PPFIBP2: variants seen among roughly 807,000 people sequenced by gnomAD.
The protein encoded by PPFIBP2 is liprin-beta-2.
Under a neutral mutation model 118.3 loss-of-function variants are expected in PPFIBP2, and 118 were observed. That is an observed-to-expected ratio of 1.00 (90% CI 0.86 to 1.16). PPFIBP2 has a LOEUF of 1.16. Among genes scored for constraint, PPFIBP2 ranks in the 50% most tolerant of loss-of-function variants. PPFIBP2 has a pLI of 0.00. For synonymous variants in PPFIBP2, 414 were observed against 397.4 expected, an observed-to-expected ratio of 1.04 and a Z score of -0.50; for missense variants, 1,195 against 1,073.1, an observed-to-expected ratio of 1.11 and a Z score of -1.59.
chr11:7,520,301 G>A (rs1590093143), intron 1 of PPFIBP2, among the ~76,000 whole-genome samples: 1 of 152,122 alleles, frequency 6.6e-6, no homozygotes, highest in South Asian at 2.1e-4. Flanking sequence ...TTGGTTTTCA[G>A]GGGGTACGTG....
intron 14 of PPFIBP2, among the ~76,000 whole-genome samples, chr11:7,637,809 T>C (rs1157726851): frequency 1.3e-5 from 2 of 152,194 alleles, no homozygotes; most frequent in Non-Finnish European, 2.9e-5. Flanking sequence ...TTGTCCTTGA[T>C]TCCTTTTTGC....
chr11:7,539,339 T>A (rs1289493171), intron 1 of PPFIBP2: 1 of 152,428 alleles, frequency 6.6e-6, no homozygotes, highest in Non-Finnish European at 1.5e-5. Flanking sequence ...AGCCAGTGTC[T>A]GTGGGCTCTG....
At chr11:7,528,401 T>C (rs1850404504) in intron 1 of PPFIBP2, among the ~76,000 whole-genome samples, 1 of 152,248 alleles carries the variant, frequency 6.6e-6, no homozygotes, top group Non-Finnish European at 1.5e-5. Flanking sequence ...AATTGCTGGC[T>C]GAATTCCAGT....
chr11:7,648,378 G>A lies in PPFIBP2; in HGVS notation c.1647-9G>A, dbSNP rs1195990521. ...ACTAACAGGAATATGCTGTTTTCCT[G>A]CTTCCCAGTGACGCCAATGCCCCCT... is the stretch of plus-strand genomic sequence containing the variant. On this transcript the variant is annotated splice_polypyrimidine_tract_variant and intron_variant, in intron 17 of 23. Transcript: ENST00000299492. 6.2e-7 allele frequency: 1 copy of A among 1,607,672 alleles called. No homozygotes were observed. Among genetic ancestry groups the A allele is most frequent in the African/African-American group, 1.3e-5 (1 of 74,944 alleles).
At chr11:7,642,848 A>G (rs1176939065) in intron 17 of PPFIBP2, among the ~76,000 whole-genome samples, 3 of 152,244 alleles carry the variant, frequency 2.0e-5, no homozygotes, top group Non-Finnish European at 4.4e-5. Context: ...CCCTAAATGC[A>G]TCATATTGTT....
intron 6 of PPFIBP2, among the ~76,000 whole-genome samples, chr11:7,618,861 C>A (rs950853520): frequency 6.7e-6 from 1 of 149,106 alleles, no homozygotes; most frequent in Non-Finnish European, 1.5e-5. Flanking sequence ...GGATTACAGG[C>A]GTGAGCCACC....
intron 14 of PPFIBP2, among the ~76,000 whole-genome samples, chr11:7,637,162 C>T (rs939927338): frequency 2.0e-5 from 3 of 152,196 alleles, no homozygotes; most frequent in African/African-American, 7.2e-5. Context: ...TGAACATCAC[C>T]TTCTCATGTG....
intron 6 of PPFIBP2, chr11:7,617,078 A>T: frequency 3.1e-6 from 3 of 972,786 alleles, no homozygotes; most frequent in Non-Finnish European, 2.4e-6. Flanking sequence ...TCTGACCTGG[A>T]GTGCTTTTCT....
chr11:7,588,054 T>A (rs1353690522), intron 3 of PPFIBP2, among the ~76,000 whole-genome samples: 1 of 152,164 alleles, frequency 6.6e-6, no homozygotes, highest in Non-Finnish European at 1.5e-5. Context: ...ACATATCCCC[T>A]GAAAAATCTC....
Position 7,609,976 on chromosome 11 carries a change from G to A in PPFIBP2, c.487-315G>A, listed in dbSNP as rs1057143161. On this transcript the variant is annotated intron_variant, in intron 5 of 23. Transcript: ENST00000299492. ...GTCTTTTAAAAAATTGAGAAATTTCGTTCTTTGAAAGTATCCATTCACTTT... is the reference window on the plus strand; with the variant it reads ...GTCTTTTAAAAAATTGAGAAATTTCATTCTTTGAAAGTATCCATTCACTTT... Among the ~76,000 whole-genome samples, 91 of 152,132 alleles carry A rather than the reference G, an allele frequency of 6.0e-4. 1 individual carries two copies. Among genetic ancestry groups the A allele is most frequent in the African/African-American group, 2.0e-3 (83 of 41,426 alleles).
intron 1 of PPFIBP2, among the ~76,000 whole-genome samples, chr11:7,523,781 ATG>A (rs1849978027): frequency 2.0e-5 from 3 of 152,080 alleles, no homozygotes; most frequent in South Asian, 4.1e-4. Flanking sequence ...TGCTTCAGGT[ATG>A]TCTCTTTCCT....
intron 6 of PPFIBP2, 72 bp from the exon 7 acceptor site, chr11:7,620,863 C>A: frequency 8.9e-7 from 1 of 1,121,020 alleles, no homozygotes; most frequent in South Asian, 1.3e-5. Context: ...TATGCATGAG[C>A]TTAACCAGGT....
intron 3 of PPFIBP2, 134 bp from the exon 4 acceptor site, chr11:7,592,998 T>G (rs1333038453): frequency 2.3e-6 from 3 of 1,320,404 alleles, no homozygotes; most frequent in Non-Finnish European, 3.0e-6. Context: ...GGTTTCCTGT[T>G]TTGATGATTG....
At chr11:7,515,937 T>C (rs1044225440) in intron 1 of PPFIBP2, among the ~76,000 whole-genome samples, 1 of 152,200 alleles carries the variant, frequency 6.6e-6, no homozygotes, top group African/African-American at 2.4e-5. Context: ...CAAATGCAAA[T>C]TATGATTCCA....
chr11:7,651,943 A>G, intron 23 of PPFIBP2, 99 bp downstream of exon 23: 4 of 1,178,310 alleles, frequency 3.4e-6, no homozygotes, highest in Middle Eastern at 2.9e-4. Context: ...CAGCATGCGC[A>G]GCCTGGACAA....
chr11:7,662,868 A>T, the PPFIBP2 span, among the ~76,000 whole-genome samples: 1 of 146,870 alleles, frequency 6.8e-6, no homozygotes, highest in Non-Finnish European at 1.5e-5. Flanking sequence ...TTTTTCTCTA[A>T]ACTTCCCTTC....
downstream of PPFIBP2, chr11:7,657,065 G>C (rs1854752137): frequency 3.4e-6 from 1 of 297,062 alleles, no homozygotes; most frequent in South Asian, 3.1e-5. Context: ...AGACCACTTT[G>C]TGGGAGGGCA....
chr11:7,562,049 G>A (rs1213632869), intron 2 of PPFIBP2, among the ~76,000 whole-genome samples: 2 of 152,218 alleles, frequency 1.3e-5, no homozygotes, highest in South Asian at 4.1e-4. Context: ...TAAGGAGTGA[G>A]CAACCTAGAT....
At chr11:7,658,177 G>A (rs1024011255), downstream of PPFIBP2, among the ~76,000 whole-genome samples, 8 of 151,804 alleles carry the variant, frequency 5.3e-5, no homozygotes, top group Non-Finnish European at 1.5e-5. Context: ...TTAAGTTTTA[G>A]GGTACATGTG....
Sources: gnomAD v4.1 joint callset for allele counts (sites outside exome capture counted in the v4.1 genomes callset) on GRCh38, gnomAD v4.1.1 for gene constraint, MANE v1.5 for transcripts, NCBI Gene and HGNC (gene_info 2026-07-23, HGNC 2026-07-21) for gene names.